The following PFKFB1 variants were observed in gnomAD, a reference collection of about 807,000 sequenced individuals.
PFKFB1 encodes the protein 6-phosphofructo-2-kinase/fructose-2,6-bisphosphatase 1.
A neutral mutation model predicts 46.4 loss-of-function variants in PFKFB1; 34 were observed. That is an observed-to-expected ratio of 0.73 (90% CI 0.56 to 0.98). The LOEUF (loss-of-function observed/expected upper bound fraction) is 0.98, where lower values mean the gene tolerates loss of function less well. Ranked by LOEUF, PFKFB1 falls within the 50% of genes least tolerant of loss-of-function variation. PFKFB1 has a pLI of 0.00. For missense variants in PFKFB1, 393 were observed against 376.3 expected, an observed-to-expected ratio of 1.04 and a Z score of -0.37; for synonymous variants, 119 against 133.8, an observed-to-expected ratio of 0.89 and a Z score of 0.76.
At chrX:54,974,015 C>T (rs1003246621) in intron 1 of PFKFB1, among the ~76,000 whole-genome samples, 1 of 111,053 alleles carries the variant, frequency 9.0e-6, no homozygotes, top group African/African-American at 3.3e-5. Context: ...GACTGGAATA[C>T]TCAATATGGT....
At chrX:54,998,175 T>C (rs1476307609), upstream of PFKFB1, among the ~76,000 whole-genome samples, 1 of 112,266 alleles carries the variant, frequency 8.9e-6, no homozygotes, top group African/African-American at 3.2e-5. Flanking sequence ...CTTTCACAGG[T>C]GCTAGTGAAT....
chrX:54,984,448 T>C (rs761922641), intron 1 of PFKFB1, among the ~76,000 whole-genome samples: 3 of 111,790 alleles, frequency 2.7e-5, no homozygotes, highest in African/African-American at 6.5e-5. Context: ...TAAAACAAGC[T>C]CAGCTGGCAA....
chrX:54,941,452 G>C (rs906140458), intron 10 of PFKFB1, among the ~76,000 whole-genome samples: 4 of 111,831 alleles, frequency 3.6e-5, no homozygotes, highest in Non-Finnish European at 7.5e-5. Flanking sequence ...AGAGTGAACA[G>C]GCAACCTACA....
chrX:54,969,315 G>T (rs1329561928), intron 1 of PFKFB1, among the ~76,000 whole-genome samples: 1 of 111,507 alleles, frequency 9.0e-6, no homozygotes, highest in East Asian at 2.8e-4. Context: ...CCTGATAAAA[G>T]GATAAGTTTG....
At chrX:54,937,271 G>A (rs988691994) in intron 11 of PFKFB1, among the ~76,000 whole-genome samples, 1 of 111,709 alleles carries the variant, frequency 9.0e-6, no homozygotes, top group Non-Finnish European at 1.9e-5. Context: ...CTTTGAAAAT[G>A]TTAGCTAAGA....
At chrX:54,938,035 A>G (rs987405704) in intron 10 of PFKFB1, among the ~76,000 whole-genome samples, 3 of 112,311 alleles carry the variant, frequency 2.7e-5, no homozygotes, top group African/African-American at 9.7e-5. Flanking sequence ...AAAAATAAAG[A>G]AAATTTTATA....
intron 6 of PFKFB1, among the ~76,000 whole-genome samples, chrX:54,956,847 C>A (rs1934159801): frequency 9.1e-6 from 1 of 110,281 alleles, no homozygotes; most frequent in Non-Finnish European, 1.9e-5. Flanking sequence ...AAATCCTCTC[C>A]ACTCTATCAT....
chrX:54,956,044 C>T lies in PFKFB1; in HGVS notation c.638+109G>A, dbSNP rs182140046. ...CATCAAGTTCAGTTTCCTGATATTA[C>T]AGATAGAGAAGTTGAGGCCCAGCAA... On this transcript the variant is annotated intron_variant, in intron 7 of 13. Transcript: ENST00000375006. 5 of 479,251 alleles carry T rather than the reference C, an allele frequency of 1.0e-5. No individual in the cohort carries two copies. In the Admixed American group the frequency reaches 1.6e-4, roughly 15 times the overall value. The allele number at this position is 479,251 out of a possible 1,213,427, so 39.5% of individuals were successfully genotyped here.
intron 10 of PFKFB1, among the ~76,000 whole-genome samples, chrX:54,943,104 C>G (rs1388420809): frequency 9.0e-6 from 1 of 111,728 alleles, no homozygotes; most frequent in Non-Finnish European, 1.9e-5. Flanking sequence ...GTTTTCCAGA[C>G]TTGAAGAAGA....
intron 1 of PFKFB1, among the ~76,000 whole-genome samples, chrX:54,991,537 CTCTGTGTG>C (rs1244638951): frequency 9.0e-4 from 89 of 98,465 alleles, no homozygotes; most frequent in African/African-American, 2.6e-3. Flanking sequence ...CTCTCTCTCT[CTCTGTGTG>C]TGTGTGTGTG....
chrX:54,957,418 T>C (rs987278214), intron 6 of PFKFB1, among the ~76,000 whole-genome samples: 1 of 110,840 alleles, frequency 9.0e-6, no homozygotes, highest in African/African-American at 3.3e-5. Context: ...CCAGTCTTCC[T>C]TACTAGACTG....
At chrX:54,981,392 C>A (rs1260302063) in intron 1 of PFKFB1, among the ~76,000 whole-genome samples, 1 of 111,600 alleles carries the variant, frequency 9.0e-6, no homozygotes, top group Non-Finnish European at 1.9e-5. Flanking sequence ...GACTTCTCAA[C>A]AACAATAATG....
chrX:54,979,625 T>C (rs1934921432), intron 1 of PFKFB1, among the ~76,000 whole-genome samples: 1 of 111,693 alleles, frequency 9.0e-6, no homozygotes, highest in Non-Finnish European at 1.9e-5. Flanking sequence ...CTAAAATCCA[T>C]GTTTACCCTG....
At chrX:54,988,525 A>G (rs1465605265) in intron 1 of PFKFB1, among the ~76,000 whole-genome samples, 1 of 112,048 alleles carries the variant, frequency 8.9e-6, no homozygotes, top group Admixed American at 9.5e-5. Flanking sequence ...AGCCAAAACA[A>G]TCATAAAAAC....
chrX:54,977,435 A>T (rs1934870055), intron 1 of PFKFB1, among the ~76,000 whole-genome samples: 1 of 110,896 alleles, frequency 9.0e-6, no homozygotes, highest in African/African-American at 3.3e-5. Context: ...CAAATAAATA[A>T]ATAAATAAAT....
At chrX:54,972,490 C>G (rs1934702193) in intron 1 of PFKFB1, among the ~76,000 whole-genome samples, 1 of 110,842 alleles carries the variant, frequency 9.0e-6, no homozygotes, top group Non-Finnish European at 1.9e-5. Flanking sequence ...ATAGATAGCT[C>G]TTATTATTTG....
At chrX:54,941,696 C>A (rs763903402) in intron 10 of PFKFB1, among the ~76,000 whole-genome samples, 5 of 111,994 alleles carry the variant, frequency 4.5e-5, no homozygotes, top group African/African-American at 1.6e-4. Flanking sequence ...CAATGAGATA[C>A]CATCTCACAC....
intron 9 of PFKFB1, among the ~76,000 whole-genome samples, chrX:54,948,231 C>T (rs963225931): frequency 9.0e-6 from 1 of 111,507 alleles, no homozygotes; most frequent in Non-Finnish European, 1.9e-5. Flanking sequence ...CCTGATTCCA[C>T]CTTTGAAACA....
At chrX:54,989,788 C>T (rs769515774) in intron 1 of PFKFB1, among the ~76,000 whole-genome samples, 1 of 111,764 alleles carries the variant, frequency 8.9e-6, no homozygotes, top group Admixed American at 9.5e-5. Context: ...AGAAGCTGGT[C>T]CAAGGGCTGG....
Sources: allele counts gnomAD v4.1 joint callset (sites outside exome capture counted in the v4.1 genomes callset), GRCh38; gene constraint gnomAD v4.1.1; transcripts MANE v1.5; gene names NCBI Gene and HGNC (gene_info 2026-07-23, HGNC 2026-07-21).